Variants in THSD7B observed in about 807,000 individuals in gnomAD.
The protein encoded by THSD7B is thrombospondin type 1 domain containing 7B.
A neutral mutation model predicts 213.6 loss-of-function variants in THSD7B; 138 were observed. That is an observed-to-expected ratio of 0.65 (90% CI 0.56 to 0.74). The LOEUF is 0.74. Among genes scored for constraint, THSD7B ranks in the 30% least tolerant of loss-of-function variants. The probability of loss-of-function intolerance (pLI) is 0.00; values close to 1 mark genes in which losing one functional copy is unlikely to be tolerated. For missense variants in THSD7B, 1,931 were observed against 1,991.5 expected, an observed-to-expected ratio of 0.97 and a Z score of 0.58; for synonymous variants, 742 against 687.0, an observed-to-expected ratio of 1.08 and a Z score of -1.25.
rs1389021169 is a variant in THSD7B at position 137,401,557 on chromosome 2, A to G, written c.2501-4056A>G. 5.3e-5 allele frequency among the ~76,000 whole-genome samples: 8 copies of G among 152,154 alleles called. No homozygotes were observed. In the South Asian group the frequency reaches 1.2e-3, roughly 24 times the overall value. ...TGAAAATAAATTAGAATTCTGAACCAGAAGACACCTGAAAACTAATTCCTG... is the reference window on the plus strand; with the variant it reads ...TGAAAATAAATTAGAATTCTGAACCGGAAGACACCTGAAAACTAATTCCTG... On this transcript the variant is annotated intron_variant, in intron 12 of 27. Coordinates refer to ENST00000409968, the MANE Select transcript of THSD7B (RefSeq NM_001316349.2).
At chr2:137,381,235 A>G (rs1211932442) in intron 12 of THSD7B, among the ~76,000 whole-genome samples, 1 of 152,174 alleles carries the variant, frequency 6.6e-6, no homozygotes, top group African/African-American at 2.4e-5. Flanking sequence ...GTGGCAGTAG[A>G]TGAGTCCCCT....
At chr2:137,174,545 C>G (rs1340825051) in intron 7 of THSD7B, among the ~76,000 whole-genome samples, 1 of 152,148 alleles carries the variant, frequency 6.6e-6, no homozygotes, top group East Asian at 1.9e-4. Flanking sequence ...TCTCTAATTC[C>G]TACAGCTATC....
chr2:137,317,788 C>G (rs892896036), intron 12 of THSD7B, among the ~76,000 whole-genome samples: 1 of 152,076 alleles, frequency 6.6e-6, no homozygotes, highest in Non-Finnish European at 1.5e-5. Context: ...CATGGTGGCG[C>G]ACACCTGTAG....
chr2:137,659,103 G>A (rs565381774), intron 24 of THSD7B, among the ~76,000 whole-genome samples: 3 of 152,094 alleles, frequency 2.0e-5, no homozygotes, highest in Admixed American at 6.6e-5. Context: ...CTAGAGCTTC[G>A]GTGCTTGCTC....
chr2:137,147,218 G>A (rs1679720628), intron 5 of THSD7B, among the ~76,000 whole-genome samples: 1 of 152,018 alleles, frequency 6.6e-6, no homozygotes, highest in Non-Finnish European at 1.5e-5. Flanking sequence ...AATGCACATG[G>A]GAAGAAGATG....
intron 2 of THSD7B, among the ~76,000 whole-genome samples, chr2:136,882,674 T>TTA (rs1380086427): frequency 6.6e-6 from 1 of 152,216 alleles, no homozygotes; most frequent in Non-Finnish European, 1.5e-5. Context: ...GGACCAGTTC[T>TTA]GCATGTCTCT....
intron 2 of THSD7B, among the ~76,000 whole-genome samples, chr2:137,013,698 T>C (rs1416790790): frequency 6.6e-6 from 1 of 152,044 alleles, no homozygotes; most frequent in Non-Finnish European, 1.5e-5. Context: ...CCCCTGATCC[T>C]TCTTTAAAAC....
At chr2:137,612,857 G>A (rs1682313652) in intron 17 of THSD7B, among the ~76,000 whole-genome samples, 1 of 152,122 alleles carries the variant, frequency 6.6e-6, no homozygotes, top group Non-Finnish European at 1.5e-5. Flanking sequence ...GGACACAGAT[G>A]CAGAACAAAT....
At chr2:137,143,152 C>A (rs1487586800) in intron 5 of THSD7B, among the ~76,000 whole-genome samples, 2 of 152,098 alleles carry the variant, frequency 1.3e-5, no homozygotes, top group East Asian at 3.8e-4. Flanking sequence ...CCTGGCTATG[C>A]CTGGCTTTTT....
rs66731773 is a variant in THSD7B at position 136,832,201 on chromosome 2, G to GTGTGTGTGTA, written c.-35-49942_-35-49941insGTGTGTGTAT. On this transcript the variant is annotated intron_variant, in intron 1 of 27. Transcript: ENST00000409968. ...TGTGTGTGTGTGTGTGTGTGTGTGT[G>GTGTGTGTGTA]TATACACACACACATATATACAATT... Among the ~76,000 whole-genome samples, 1,270 of 146,482 alleles carry GTGTGTGTGTA rather than the reference G, an allele frequency of 8.7e-3. 30 individuals carry two copies. The highest frequency in any genetic ancestry group is 0.018 in the African/African-American group (712 of 39,614).
At chr2:137,083,850 T>C (rs539966253) in intron 3 of THSD7B, among the ~76,000 whole-genome samples, 6 of 152,268 alleles carry the variant, frequency 3.9e-5, no homozygotes, top group Admixed American at 2.6e-4. Flanking sequence ...ACTGTTTTTG[T>C]TAAATAATTG....
intron 1 of THSD7B, among the ~76,000 whole-genome samples, chr2:136,805,153 T>C (rs188933066): frequency 2.0e-5 from 3 of 152,320 alleles, no homozygotes; most frequent in African/African-American, 4.8e-5. Flanking sequence ...CAGAACCATA[T>C]AGACTGCATC....
intron 12 of THSD7B, among the ~76,000 whole-genome samples, chr2:137,311,757 A>T (rs986959801): frequency 9.3e-5 from 14 of 151,208 alleles, no homozygotes; most frequent in African/African-American, 3.4e-4. Flanking sequence ...GCATCCATTG[A>T]GATAATCATG....
At chr2:137,012,583 T>A (rs530062075) in intron 2 of THSD7B, among the ~76,000 whole-genome samples, 1 of 152,346 alleles carries the variant, frequency 6.6e-6, no homozygotes, top group South Asian at 2.1e-4. Context: ...TTATTCAGAA[T>A]GTGTCTAGTT....
intron 17 of THSD7B, among the ~76,000 whole-genome samples, chr2:137,594,629 A>C (rs978339641): frequency 6.6e-6 from 1 of 151,956 alleles, no homozygotes; most frequent in Non-Finnish European, 1.5e-5. Context: ...ACTTAGACTG[A>C]GTCTAAAAAT....
intron 15 of THSD7B, among the ~76,000 whole-genome samples, chr2:137,485,775 C>T (rs1398451298): frequency 6.6e-6 from 1 of 152,104 alleles, no homozygotes; most frequent in African/African-American, 2.4e-5. Context: ...AAGGGAAGCC[C>T]ATCAGACTAA....
At chr2:137,547,786 T>C (rs1273717459) in intron 15 of THSD7B, among the ~76,000 whole-genome samples, 1 of 152,006 alleles carries the variant, frequency 6.6e-6, no homozygotes, top group Non-Finnish European at 1.5e-5. Context: ...GAATAAGTGA[T>C]ACGTAAGAAC....
intron 10 of THSD7B, among the ~76,000 whole-genome samples, chr2:137,263,826 C>T (rs1007224296): frequency 3.3e-5 from 5 of 152,068 alleles, no homozygotes; most frequent in African/African-American, 1.2e-4. Context: ...TCTATAAAAC[C>T]TTCCTACTCA....
At chr2:137,420,466 A>G (rs1686900661) in intron 14 of THSD7B, among the ~76,000 whole-genome samples, 5 of 152,114 alleles carry the variant, frequency 3.3e-5, no homozygotes, top group Admixed American at 1.3e-4. Context: ...AACCCCTAGA[A>G]CCCACTAGGA....
Sources: gnomAD v4.1 joint callset for allele counts (sites outside exome capture counted in the v4.1 genomes callset) on GRCh38, gnomAD v4.1.1 for gene constraint, MANE v1.5 for transcripts, NCBI Gene and HGNC (gene_info 2026-07-23, HGNC 2026-07-21) for gene names.